Variants in CNTNAP2 observed in about 807,000 individuals in gnomAD.
CNTNAP2 encodes the protein contactin-associated protein-like 2.
CNTNAP2 carries 98 observed loss-of-function variants against 155.2 expected under a neutral mutation model. The ratio of observed to expected loss-of-function variants is 0.63; its 90% CI spans 0.54 to 0.75. The LOEUF (loss-of-function observed/expected upper bound fraction) is 0.75. CNTNAP2 is among the 30% of genes least tolerant of loss of function. The pLI, the probability that CNTNAP2 is intolerant of heterozygous loss-of-function variation, is 0.00. For synonymous variants in CNTNAP2, 651 were observed against 631.2 expected, an observed-to-expected ratio of 1.03 and a Z score of -0.47; for missense variants, 1,727 against 1,688.1, an observed-to-expected ratio of 1.02 and a Z score of -0.40.
chr7:146,975,400 G>T (rs1349866413), intron 3 of CNTNAP2, among the ~76,000 whole-genome samples: 2 of 152,162 alleles, frequency 1.3e-5, no homozygotes, highest in Non-Finnish European at 2.9e-5. Context: ...GGCAGACAGA[G>T]GTTAAAGTGA....
intron 2 of CNTNAP2, among the ~76,000 whole-genome samples, chr7:146,828,503 A>ATTAC (rs924529543): frequency 1.3e-5 from 2 of 152,086 alleles, no homozygotes; most frequent in Non-Finnish European, 2.9e-5. Context: ...TGAAGAGCTC[A>ATTAC]TTACTTTTAT....
chr7:147,123,271 C>T (rs1801157835), intron 6 of CNTNAP2, among the ~76,000 whole-genome samples: 1 of 152,126 alleles, frequency 6.6e-6, no homozygotes, highest in Non-Finnish European at 1.5e-5. Context: ...ATTATTCATC[C>T]TCTGTTAATA....
chr7:146,733,354 A>ATTCTT (rs2129179816), intron 1 of CNTNAP2, among the ~76,000 whole-genome samples: 1 of 152,248 alleles, frequency 6.6e-6, no homozygotes, highest in African/African-American at 2.4e-5. Context: ...ATGAAGCATT[A>ATTCTT]TTCTTTTCAG....
chr7:147,442,529 C>G (rs1244883608), intron 10 of CNTNAP2, among the ~76,000 whole-genome samples: 1 of 152,130 alleles, frequency 6.6e-6, no homozygotes, highest in Non-Finnish European at 1.5e-5. Context: ...ACCTAAGATG[C>G]AAGATGAAAT....
At chr7:146,398,812 G>A (rs1795672086) in intron 1 of CNTNAP2, among the ~76,000 whole-genome samples, 1 of 151,912 alleles carries the variant, frequency 6.6e-6, no homozygotes, top group East Asian at 1.9e-4. Context: ...AGGCCCACCA[G>A]GGCAGGGAGA....
chr7:146,866,337 A>T (rs1048593450), intron 3 of CNTNAP2, among the ~76,000 whole-genome samples: 3 of 152,074 alleles, frequency 2.0e-5, no homozygotes, highest in African/African-American at 7.2e-5. Flanking sequence ...TTCCAAAATA[A>T]TTTTTATTTA....
chr7:147,865,358 T>A (rs187743075), intron 13 of CNTNAP2, among the ~76,000 whole-genome samples: 1 of 152,204 alleles, frequency 6.6e-6, no homozygotes, highest in African/African-American at 2.4e-5. Context: ...TCCCCATCGA[T>A]GCTTACCAGG....
intron 15 of CNTNAP2, among the ~76,000 whole-genome samples, chr7:148,012,675 C>T (rs1554461541): frequency 6.6e-6 from 1 of 152,130 alleles, no homozygotes; most frequent in Non-Finnish European, 1.5e-5. Context: ...GTGTCACACG[C>T]ATAATAAAAG....
chr7:147,446,567 G>A (rs902878765), intron 10 of CNTNAP2, among the ~76,000 whole-genome samples: 9 of 152,082 alleles, frequency 5.9e-5, no homozygotes, highest in Admixed American at 5.2e-4. Context: ...TTACAACCAC[G>A]ACTGCGAGAG....
chr7:147,795,114 C>T (rs1237228400), intron 13 of CNTNAP2, among the ~76,000 whole-genome samples: 1 of 151,474 alleles, frequency 6.6e-6, no homozygotes, highest in African/African-American at 2.4e-5. Context: ...TTATTATTTT[C>T]TTCCCTATTC....
intron 1 of CNTNAP2, among the ~76,000 whole-genome samples, chr7:146,336,793 T>G (rs1395343190): frequency 6.6e-6 from 1 of 152,118 alleles, no homozygotes; most frequent in African/African-American, 2.4e-5. Flanking sequence ...AACAAAAGTG[T>G]TGTTAGATGC....
chr7:146,203,200 A>G (rs553455448), intron 1 of CNTNAP2, among the ~76,000 whole-genome samples: 141 of 152,330 alleles, frequency 9.3e-4, no homozygotes, highest in African/African-American at 3.2e-3. Context: ...ATTCAGTTCA[A>G]TTCTAACACT....
intron 12 of CNTNAP2, among the ~76,000 whole-genome samples, chr7:147,565,628 A>G (rs909843327): frequency 6.6e-6 from 1 of 152,150 alleles, no homozygotes; most frequent in Non-Finnish European, 1.5e-5. Flanking sequence ...TGAAGGTAGA[A>G]TTGACAGGAT....
Position 148,205,375 on chromosome 7 carries a change from C to G in CNTNAP2, c.3011-11913C>G, listed in dbSNP as rs143920176. ...CTAAAAGCAGTCTCCTCGCAGCAAA[C>G]TGTGAAGTTAGCAGCACAGAAGCAA... On this transcript the variant is annotated intron_variant, in intron 18 of 23. Transcript: ENST00000361727. Among the ~76,000 whole-genome samples, 55 of 152,364 alleles carry G rather than the reference C, an allele frequency of 3.6e-4. No homozygotes were observed. In the East Asian group the frequency reaches 8.3e-3, roughly 23 times the overall value.
chr7:147,323,840 C>G (rs918561852), intron 9 of CNTNAP2, among the ~76,000 whole-genome samples: 3 of 152,000 alleles, frequency 2.0e-5, no homozygotes, highest in Admixed American at 6.6e-5. Flanking sequence ...CTCTGTTATT[C>G]CCAATCATAT....
At chr7:148,140,635 T>C (rs1362206114) in intron 16 of CNTNAP2, among the ~76,000 whole-genome samples, 1 of 152,050 alleles carries the variant, frequency 6.6e-6, no homozygotes, top group Non-Finnish European at 1.5e-5. Flanking sequence ...TTGGTCAGGC[T>C]GGTCTCGAAC....
intron 5 of CNTNAP2, among the ~76,000 whole-genome samples, chr7:147,109,790 A>C (rs1389964429): frequency 3.9e-5 from 6 of 152,182 alleles, no homozygotes; most frequent in Non-Finnish European, 8.8e-5. Context: ...GAGGAAGAAC[A>C]GTTAGTTAAC....
rs572352491 is a variant in CNTNAP2 at position 146,460,036 on chromosome 7, G to A, written c.98-314235G>A. ...CTGGATGCTTGTGAGAGGCAGAACA[G>A]AGGAAGTTTAACAACAAAATGGCGG... is the stretch of plus-strand genomic sequence containing the variant. On this transcript the variant is annotated intron_variant, in intron 1 of 23. Transcript: ENST00000361727. Among the ~76,000 whole-genome samples the A allele has an allele frequency of 1.4e-4, 21 of 152,234 alleles. No homozygotes were observed. The East Asian group carries it at 3.7e-3, about 27-fold the overall frequency.
At chr7:147,505,787 A>G (rs961018848) in intron 11 of CNTNAP2, among the ~76,000 whole-genome samples, 11 of 152,312 alleles carry the variant, frequency 7.2e-5, no homozygotes, top group African/African-American at 2.4e-4. Flanking sequence ...GGCACTCGGT[A>G]AAAGCTTTTT....
Sources: allele counts gnomAD v4.1 joint callset (sites outside exome capture counted in the v4.1 genomes callset), GRCh38; gene constraint gnomAD v4.1.1; transcripts MANE v1.5; gene names NCBI Gene and HGNC (gene_info 2026-07-23, HGNC 2026-07-21).